Variants in INPP4B observed in about 807,000 individuals in gnomAD.
The protein encoded by INPP4B is inositol polyphosphate 4-phosphatase type II.
Under a neutral mutation model 122.5 loss-of-function variants are expected in INPP4B, and 55 were observed. The observed-to-expected ratio is 0.45, with a 90% CI of 0.36 to 0.56. The LOEUF (loss-of-function observed/expected upper bound fraction) is 0.56. Among genes scored for constraint, INPP4B ranks in the 20% least tolerant of loss-of-function variants. The pLI is 0.00. For synonymous variants in INPP4B, 403 were observed against 388.7 expected (o/e 1.04, Z -0.43); for missense variants, 1,000 against 1,097.7 (o/e 0.91, Z 1.26).
intron 16 of INPP4B, among the ~76,000 whole-genome samples, chr4:142,163,240 C>A (rs7674442): frequency 0.081 from 12,281 of 151,748 alleles, 1,763 homozygotes; most frequent in African/African-American, 0.28. Context: ...ATAAATAATT[C>A]ATAAATTTTA....
At chr4:142,237,616 T>C (rs1460630640) in intron 12 of INPP4B, among the ~76,000 whole-genome samples, 1 of 151,896 alleles carries the variant, frequency 6.6e-6, no homozygotes, top group African/African-American at 2.4e-5. Flanking sequence ...GTGGCCACCA[T>C]AGGGGACAGT....
chr4:142,165,916 G>A (rs1332121141), intron 16 of INPP4B, among the ~76,000 whole-genome samples: 4 of 151,624 alleles, frequency 2.6e-5, no homozygotes, highest in Non-Finnish European at 5.9e-5. Flanking sequence ...AGCTGTTCTG[G>A]TAGGTGGCTA....
At chr4:142,804,270 C>T (rs1198818627) in intron 1 of INPP4B, among the ~76,000 whole-genome samples, 2 of 152,130 alleles carry the variant, frequency 1.3e-5, no homozygotes, top group African/African-American at 2.4e-5. Context: ...TCCCATTTCA[C>T]TCATGGTAAT....
intron 17 of INPP4B, among the ~76,000 whole-genome samples, chr4:142,153,794 T>G (rs2152878631): frequency 6.6e-6 from 1 of 152,142 alleles, no homozygotes; most frequent in South Asian, 2.1e-4. Context: ...TAAAACAGGG[T>G]TTTATAGGTG....
At chr4:142,569,189 C>T (rs1030228995) in intron 2 of INPP4B, among the ~76,000 whole-genome samples, 3 of 151,588 alleles carry the variant, frequency 2.0e-5, no homozygotes, top group Admixed American at 1.3e-4. Context: ...ATAATATCAG[C>T]ATCTAAGAAA....
At position 142,476,653 on chromosome 4, in the gene INPP4B, G is replaced by A. The variant is rs188902192; in HGVS notation, c.-190-13927C>T. Among the ~76,000 whole-genome samples, 909 of 152,190 alleles carry A rather than the reference G, an allele frequency of 6.0e-3. 3 individuals carry two copies. The highest frequency in any genetic ancestry group is 9.9e-3 in the Non-Finnish European group (676 of 67,988). ...AAGCAAACAGAAAAAAGCAGGGGTCGCTATTCTAATTTCAGATAAACCAGA... is the reference window on the plus strand; with the variant it reads ...AAGCAAACAGAAAAAAGCAGGGGTCACTATTCTAATTTCAGATAAACCAGA... On this transcript the variant is annotated intron_variant, in intron 2 of 25. Transcript: ENST00000262992.
At chr4:142,159,356 T>C (rs1477746234) in intron 17 of INPP4B, among the ~76,000 whole-genome samples, 1 of 151,984 alleles carries the variant, frequency 6.6e-6, no homozygotes, top group Non-Finnish European at 1.5e-5. Context: ...GCAATTTTAA[T>C]CACCAACGAC....
At chr4:142,355,069 G>A (rs999931488) in intron 7 of INPP4B, among the ~76,000 whole-genome samples, 4 of 151,890 alleles carry the variant, frequency 2.6e-5, no homozygotes, top group Admixed American at 2.6e-4. Context: ...AAACTGCGAA[G>A]CTCTCTCTCT....
At chr4:142,187,358 T>C (rs1333246976) in intron 15 of INPP4B, among the ~76,000 whole-genome samples, 1 of 151,988 alleles carries the variant, frequency 6.6e-6, no homozygotes, top group Non-Finnish European at 1.5e-5. Flanking sequence ...TATTGAAATA[T>C]TGAAAATGAA....
intron 2 of INPP4B, among the ~76,000 whole-genome samples, chr4:142,662,538 T>C (rs2150591104): frequency 6.6e-6 from 1 of 152,238 alleles, no homozygotes; most frequent in East Asian, 1.9e-4. Context: ...GGATTCAGGT[T>C]TGTCCATGTG....
intron 2 of INPP4B, among the ~76,000 whole-genome samples, chr4:142,557,402 C>A (rs540415768): frequency 6.6e-6 from 1 of 152,136 alleles, no homozygotes; most frequent in Non-Finnish European, 1.5e-5. Context: ...CCTGGAGAGA[C>A]GCACAGACCT....
chr4:142,385,963 T>C (rs1282168835), intron 7 of INPP4B, among the ~76,000 whole-genome samples: 1 of 152,178 alleles, frequency 6.6e-6, no homozygotes. Flanking sequence ...CCATACATTA[T>C]TACTAATTAT....
At chr4:142,809,857 T>C (rs1779287110) in intron 1 of INPP4B, among the ~76,000 whole-genome samples, 1 of 152,012 alleles carries the variant, frequency 6.6e-6, no homozygotes, top group Admixed American at 6.6e-5. Context: ...CACGGGATAT[T>C]ACATGGCCTT....
At chr4:142,265,108 C>G (rs80078497) in intron 10 of INPP4B, among the ~76,000 whole-genome samples, 5,841 of 152,212 alleles carry the variant, frequency 0.038, 370 homozygotes, top group African/African-American at 0.13. Context: ...AGGAACTGAA[C>G]AGGCTGGCAC....
chr4:142,362,217 C>A (rs953827381), intron 7 of INPP4B, among the ~76,000 whole-genome samples: 2 of 151,956 alleles, frequency 1.3e-5, no homozygotes, highest in African/African-American at 2.4e-5. Context: ...AGGCATCCCC[C>A]AAAAATTCAG....
intron 23 of INPP4B, among the ~76,000 whole-genome samples, 155 bp downstream of exon 23, chr4:142,107,938 C>T (rs987173729): frequency 6.6e-5 from 10 of 152,146 alleles, no homozygotes; most frequent in Non-Finnish European, 1.3e-4. Context: ...GGCCATGCTA[C>T]CTTGGCAATC....
At position 142,237,943 on chromosome 4, in the gene INPP4B, C is replaced by T; in HGVS notation, c.757G>A (p.Glu253Lys). 6.3e-7 allele frequency: 1 copy of T among 1,575,384 alleles called. No individual in the cohort carries two copies. The highest frequency in any genetic ancestry group is 8.7e-7 in the Non-Finnish European group (1 of 1,147,584). Reference protein sequence around the residue: ...TSDNKWMRIREQMSESILSFH... With the variant: ...TSDNKWMRIRKQMSESILSFH... ...GAAAGAATGCTCTCTGACATCTGCT[C>T]TCGAATTCGCATCCACTTATTGTCA... The change falls in exon 12 of 26, where the codon GAG becomes AAG. Residue 253 changes from glutamate to lysine, a missense_variant. Transcript: ENST00000262992.
rs1398247969 is a variant in INPP4B at position 142,659,870 on chromosome 4, C to A, written c.-191+65969G>T. ...TTGCATTCGGCTTATGATAAGGCATCCATGCAACCCCACCCCCACCCGTGA... is the reference window on the plus strand; with the variant it reads ...TTGCATTCGGCTTATGATAAGGCATACATGCAACCCCACCCCCACCCGTGA... On this transcript the variant is annotated intron_variant, in intron 2 of 25. Transcript: ENST00000262992. Among the ~76,000 whole-genome samples the A allele has an allele frequency of 5.9e-5, 9 of 152,170 alleles. No homozygotes were observed. In the East Asian group the frequency reaches 1.6e-3, roughly 26 times the overall value.
intron 1 of INPP4B, among the ~76,000 whole-genome samples, chr4:142,800,260 A>G (rs75946939): frequency 0.01 from 1,558 of 152,210 alleles, 30 homozygotes; most frequent in African/African-American, 0.035. Context: ...TTCTCCCAAA[A>G]GTGAGTAATA....
Sources: allele counts gnomAD v4.1 joint callset (sites outside exome capture counted in the v4.1 genomes callset), GRCh38; gene constraint gnomAD v4.1.1; transcripts MANE v1.5; gene names NCBI Gene and HGNC (gene_info 2026-07-23, HGNC 2026-07-21).